The following GLI3 variants were observed in gnomAD, a reference collection of about 807,000 sequenced individuals.
GLI3 encodes GLI family zinc finger 3, also known as transcription activator GLI3.
A neutral mutation model predicts 100.8 loss-of-function variants in GLI3; 20 were observed. The ratio of observed to expected loss-of-function variants is 0.20; its 90% CI spans 0.14 to 0.29. The LOEUF is 0.29. GLI3 is among the 10% of genes least tolerant of loss of function. GLI3 has a pLI of 1.00. For synonymous variants in GLI3, 938 were observed against 860.5 expected, an observed-to-expected ratio of 1.09 and a Z score of -1.58; for missense variants, 2,040 against 2,128.5, an observed-to-expected ratio of 0.96 and a Z score of 0.82.
At chr7:42,100,821 C>T (rs904312646) in intron 3 of GLI3, among the ~76,000 whole-genome samples, 3 of 152,146 alleles carry the variant, frequency 2.0e-5, no homozygotes, top group African/African-American at 7.2e-5. Flanking sequence ...GAGAGTGATG[C>T]TGCCATGAGA....
At chr7:42,160,375 T>A (rs1355935461) in intron 2 of GLI3, among the ~76,000 whole-genome samples, 1 of 152,232 alleles carries the variant, frequency 6.6e-6, no homozygotes, top group Non-Finnish European at 1.5e-5. Context: ...TATTTGCATA[T>A]ACATAATGAG....
intron 2 of GLI3, among the ~76,000 whole-genome samples, chr7:42,202,080 CAA>C (rs35682171): frequency 0.014 from 1,291 of 92,194 alleles, 11 homozygotes; most frequent in African/African-American, 0.049. Context: ...GACTCCGTCT[CAA>C]AAAAAAAAAA....
chr7:42,069,318 T>C (rs1436051800), intron 4 of GLI3, among the ~76,000 whole-genome samples: 2 of 152,206 alleles, frequency 1.3e-5, no homozygotes, highest in Admixed American at 6.5e-5. Flanking sequence ...ATCTGTTTTG[T>C]GGTTGTTTCT....
intron 1 of GLI3, among the ~76,000 whole-genome samples, chr7:42,231,131 G>C (rs1214727134): frequency 1.3e-5 from 2 of 152,192 alleles, no homozygotes; most frequent in Non-Finnish European, 2.9e-5. Flanking sequence ...TAAGGCTTAA[G>C]GGAGTATAAG....
intron 2 of GLI3, among the ~76,000 whole-genome samples, chr7:42,183,519 G>A (rs1340052312): frequency 6.6e-6 from 1 of 152,126 alleles, no homozygotes; most frequent in Non-Finnish European, 1.5e-5. Context: ...GACAATTTCT[G>A]GGGACAGCAG....
intron 2 of GLI3, among the ~76,000 whole-genome samples, chr7:42,170,714 T>C (rs143876575): frequency 6.4e-4 from 97 of 152,278 alleles, no homozygotes; most frequent in African/African-American, 2.2e-3. Context: ...GCTGACTTTT[T>C]AAGAAAGTAC....
Position 42,133,855 on chromosome 7 carries a change from G to A in GLI3, c.367+14371C>T, listed in dbSNP as rs146806959. 2.5e-3 allele frequency among the ~76,000 whole-genome samples: 383 copies of A among 152,152 alleles called. 1 individual carries two copies. Among genetic ancestry groups the A allele is most frequent in the Admixed American group, 4.2e-3 (64 of 15,294 alleles). On this transcript the variant is annotated intron_variant, in intron 3 of 14. Coordinates refer to ENST00000395925, the MANE Select transcript of GLI3 (RefSeq NM_000168.6). ...CTAGCACTTTGGGAGGCCCAGGCAG[G>A]CAGATCACCTGAGGTCAGGAGTTCG...
chr7:42,068,531 A>T (rs1412330295), intron 4 of GLI3, among the ~76,000 whole-genome samples: 1 of 152,156 alleles, frequency 6.6e-6, no homozygotes, highest in East Asian at 1.9e-4. Flanking sequence ...AATCTGGCTA[A>T]TCTGTTACTT....
chr7:42,013,417 C>T (rs1364968426), intron 10 of GLI3, among the ~76,000 whole-genome samples: 2 of 150,070 alleles, frequency 1.3e-5, no homozygotes, highest in Non-Finnish European at 3.0e-5. Context: ...TTTTTTGAGA[C>T]AGTCTCACTC....
intron 6 of GLI3, among the ~76,000 whole-genome samples, chr7:42,043,302 A>G (rs1009389848): frequency 6.6e-6 from 1 of 152,254 alleles, no homozygotes; most frequent in Non-Finnish European, 1.5e-5. Flanking sequence ...TAGTGCCTTA[A>G]GAACTTTCCA....
upstream of GLI3, among the ~76,000 whole-genome samples, chr7:42,240,391 G>C (rs1268507928): frequency 1.3e-5 from 2 of 152,144 alleles, no homozygotes; most frequent in African/African-American, 4.8e-5. Flanking sequence ...CCAAAAACTG[G>C]ATGGCTTAAA....
intron 6 of GLI3, among the ~76,000 whole-genome samples, chr7:42,041,981 T>C (rs1195769889): frequency 6.6e-6 from 1 of 151,844 alleles, no homozygotes; most frequent in East Asian, 1.9e-4. Context: ...ATTTAGAGCA[T>C]GTTAGCACAA....
chr7:42,177,871 T>C (rs1015176963), intron 2 of GLI3, among the ~76,000 whole-genome samples: 3 of 152,186 alleles, frequency 2.0e-5, no homozygotes, highest in African/African-American at 7.2e-5. Context: ...TAACATATGA[T>C]GTCTGGAGAG....
chr7:42,002,281 A>C (rs1307333741), intron 10 of GLI3, among the ~76,000 whole-genome samples: 2 of 152,224 alleles, frequency 1.3e-5, no homozygotes, highest in Admixed American at 1.3e-4. Flanking sequence ...TAGTGATAAT[A>C]ATCTTGATAT....
chr7:42,238,013 CCTCCTCCTCCTT>C (rs1168542897), upstream of GLI3: 5,566 of 159,604 alleles, frequency 0.035, 233 homozygotes, highest in African/African-American at 0.11. Flanking sequence ...GCCTCCTCCT[CCTCCTCCTCCTT>C]CTCCTCCTCC....
At chr7:42,144,692 G>C (rs1786659542) in intron 3 of GLI3, among the ~76,000 whole-genome samples, 1 of 152,108 alleles carries the variant, frequency 6.6e-6, no homozygotes, top group East Asian at 1.9e-4. Context: ...AAACAAAAAT[G>C]GTTTTCCCTT....
At chr7:42,037,965 C>A (rs1189019387) in intron 7 of GLI3, among the ~76,000 whole-genome samples, 1 of 152,122 alleles carries the variant, frequency 6.6e-6, no homozygotes, top group African/African-American at 2.4e-5. Context: ...CCTTTAGATG[C>A]TGTAAAAAGT....
At chr7:42,108,261 C>T (rs901939997) in intron 3 of GLI3, among the ~76,000 whole-genome samples, 1 of 152,182 alleles carries the variant, frequency 6.6e-6, no homozygotes, top group Non-Finnish European at 1.5e-5. Flanking sequence ...GTTTGTACAG[C>T]CCACCACGGA....
intron 3 of GLI3, among the ~76,000 whole-genome samples, chr7:42,139,652 C>G (rs923593924): frequency 6.6e-6 from 1 of 152,206 alleles, no homozygotes; most frequent in African/African-American, 2.4e-5. Context: ...GCACTCCAGC[C>G]TGGGCAACAA....
Sources: allele counts gnomAD v4.1 joint callset (sites outside exome capture counted in the v4.1 genomes callset), GRCh38; gene constraint gnomAD v4.1.1; transcripts MANE v1.5; gene names NCBI Gene and HGNC (gene_info 2026-07-23, HGNC 2026-07-21).